The following ADAM12 variants were observed in gnomAD, a reference collection of about 807,000 sequenced individuals.
ADAM12 encodes the protein disintegrin and metalloproteinase domain-containing protein 12.
Under a neutral mutation model 106.4 loss-of-function variants are expected in ADAM12, and 70 were observed. The observed-to-expected ratio is 0.66, with a 90% CI of 0.54 to 0.80. ADAM12 has a LOEUF of 0.80. Ranked by LOEUF, ADAM12 falls within the 30% of genes least tolerant of loss-of-function variation. ADAM12 has a pLI of 0.00. For missense variants in ADAM12, 1,010 were observed against 1,171.9 expected (o/e 0.86, Z 2.02); for synonymous variants, 420 against 433.5 (o/e 0.97, Z 0.39).
chr10:126,195,524 A>T (rs981194582), intron 3 of ADAM12, among the ~76,000 whole-genome samples: 6 of 152,156 alleles, frequency 3.9e-5, no homozygotes, highest in Non-Finnish European at 8.8e-5. Flanking sequence ...GCAGTGAGCC[A>T]AATCGCACCA....
chr10:126,192,607 G>A (rs546645795), intron 3 of ADAM12, among the ~76,000 whole-genome samples: 57 of 152,280 alleles, frequency 3.7e-4, no homozygotes, highest in African/African-American at 1.3e-3. Flanking sequence ...TTCATCCATC[G>A]CACATACTTA....
chr10:126,114,930 T>C (rs563670804), intron 6 of ADAM12, among the ~76,000 whole-genome samples: 1 of 152,328 alleles, frequency 6.6e-6, no homozygotes, highest in South Asian at 2.1e-4. Flanking sequence ...CAACTCTCAT[T>C]AGGCTCTACA....
rs1424267162 is a variant in ADAM12 at position 126,066,142 on chromosome 10, C to G, written c.1413+575G>C. Among the ~76,000 whole-genome samples the G allele has an allele frequency of 6.6e-6, 1 of 152,198 alleles. No homozygotes were observed. Among genetic ancestry groups the G allele is most frequent in the African/African-American group, 2.4e-5 (1 of 41,438 alleles). On this transcript the variant is annotated intron_variant, in intron 13 of 22. Coordinates refer to ENST00000448723, the MANE Select transcript of ADAM12 (RefSeq NM_001288973.2). This position sits in a 1 kb window ranked among gnomAD's most constrained non-coding sequence, Gnocchi z 5.1. ...AGCTCAGGCTTCTACTCTCAGATAT[C>G]AGCTCTGAATAATGAGACAATGGAA... is the stretch of plus-strand genomic sequence containing the variant.
At chr10:126,289,596 AC>A (rs1203216432) in intron 2 of ADAM12, among the ~76,000 whole-genome samples, 4 of 152,208 alleles carry the variant, frequency 2.6e-5, no homozygotes, top group African/African-American at 9.6e-5. Flanking sequence ...GTCTTGGAAC[AC>A]CCTGATCAAT....
At chr10:126,045,229 A>G (rs933309829) in intron 17 of ADAM12, among the ~76,000 whole-genome samples, 4 of 152,196 alleles carry the variant, frequency 2.6e-5, no homozygotes, top group Admixed American at 2.0e-4. Flanking sequence ...CCATCAGAAA[A>G]TAATCTATGA....
rs182405790 is a variant in ADAM12 at position 126,299,210 on chromosome 10, C to A, written c.187-20222G>T. Among the ~76,000 whole-genome samples, 321 of 152,308 alleles carry A rather than the reference C, an allele frequency of 2.1e-3. 10 individuals are homozygous for A. The highest frequency in any genetic ancestry group is 3.2e-4 in the Non-Finnish European group (22 of 68,032). On this transcript the variant is annotated intron_variant, in intron 2 of 22. Transcript: ENST00000448723. ...ACACAGCACATATCCACTTTCAATG[C>A]CTTCATTTCCAGGAACATATTTTTT...
At chr10:126,194,369 A>C (rs1957560420) in intron 3 of ADAM12, among the ~76,000 whole-genome samples, 1 of 152,108 alleles carries the variant, frequency 6.6e-6, no homozygotes, top group African/African-American at 2.4e-5. Context: ...TTCTGAGACA[A>C]ATAAAAGGCA....
Position 126,107,987 on chromosome 10 carries a change from C to A in ADAM12, c.741+606G>T, listed in dbSNP as rs185681100. Among the ~76,000 whole-genome samples, 3 of 152,258 alleles carry A rather than the reference C, an allele frequency of 2.0e-5. No individual in the cohort carries two copies. In the East Asian group the frequency reaches 5.8e-4, roughly 29 times the overall value. On this transcript the variant is annotated intron_variant, in intron 8 of 22. Coordinates refer to ENST00000448723, the MANE Select transcript of ADAM12 (RefSeq NM_001288973.2). The stretch of plus-strand genomic sequence containing the variant: ...GTGAGGAGCGGTTAGTGAACAAGTA[C>A]CCCAGGAGTAGGACCTGGTTTGCAG...
At chr10:126,368,100 T>G (rs1464894777) in intron 1 of ADAM12, among the ~76,000 whole-genome samples, 3 of 151,904 alleles carry the variant, frequency 2.0e-5, no homozygotes, top group Non-Finnish European at 4.4e-5. Flanking sequence ...TATATAAACG[T>G]GTGCATATAA....
intron 3 of ADAM12, among the ~76,000 whole-genome samples, chr10:126,182,829 G>A (rs1203422812): frequency 6.6e-6 from 1 of 152,224 alleles, no homozygotes; most frequent in Non-Finnish European, 1.5e-5. Flanking sequence ...AACATAAGAA[G>A]AGTTAATTTT....
intron 3 of ADAM12, among the ~76,000 whole-genome samples, chr10:126,264,811 A>T (rs1565177502): frequency 6.6e-6 from 1 of 151,660 alleles, no homozygotes; most frequent in South Asian, 2.1e-4. Flanking sequence ...CGCAATCCAG[A>T]CCCCTGCTTT....
chr10:126,040,251 AACTGGACAGTGAATTTTT>A (rs1364849740), intron 18 of ADAM12, among the ~76,000 whole-genome samples: 3 of 152,218 alleles, frequency 2.0e-5, no homozygotes, highest in Non-Finnish European at 4.4e-5. Context: ...CTGTGATTTC[AACTGGACAGTGAATTTTT>A]AGAGGACAGG....
At chr10:126,267,607 T>C (rs1030835914) in intron 3 of ADAM12, among the ~76,000 whole-genome samples, 1 of 152,132 alleles carries the variant, frequency 6.6e-6, no homozygotes, top group Non-Finnish European at 1.5e-5. Flanking sequence ...GCCACTGATC[T>C]GACAGGGGGC....
rs150835923 is a variant in ADAM12, at chr10:126,296,827, TTTTG to T, written c.187-17843_187-17840del. ...CTATCGGGGATCTGCTTAGCTAGTT[TTTTG>T]TTTGTTTGTTTGAACTGCAGGCCTT... On this transcript the variant is annotated intron_variant, in intron 2 of 22. Transcript: ENST00000448723. Among the ~76,000 whole-genome samples, 264 of 152,326 alleles carry T rather than the reference TTTTG, an allele frequency of 1.7e-3. 1 individual carries two copies. Among genetic ancestry groups the T allele is most frequent in the African/African-American group, 6.1e-3 (255 of 41,568 alleles).
At chr10:126,280,255 A>C (rs7079929) in intron 2 of ADAM12, among the ~76,000 whole-genome samples, 131,524 of 152,090 alleles carry the variant, frequency 0.86, 58,106 homozygotes, top group Non-Finnish European at 0.96. Flanking sequence ...GCAAAACATG[A>C]CTTAACTAAG....
chr10:126,088,892 A>G (rs1348661587), intron 11 of ADAM12, among the ~76,000 whole-genome samples: 1 of 152,170 alleles, frequency 6.6e-6, no homozygotes, highest in African/African-American at 2.4e-5. Context: ...ATGGCAACAC[A>G]TTCTCCTTAA....
At chr10:126,343,622 T>C (rs1855021996) in intron 1 of ADAM12, among the ~76,000 whole-genome samples, 1 of 152,244 alleles carries the variant, frequency 6.6e-6, no homozygotes, top group Non-Finnish European at 1.5e-5. Flanking sequence ...TCACAATGGT[T>C]GAACTAGTTT....
Position 126,066,319 on chromosome 10 carries a change from G to A in ADAM12, c.1413+398C>T, listed in dbSNP as rs1279877983. The stretch of plus-strand genomic sequence containing the variant: ...TTCTGGGACAAGCCAGCAGGCAGAT[G>A]TCCGCGGGATCAAGAAGATGAACCT... On this transcript the variant is annotated intron_variant, in intron 13 of 22. Coordinates refer to ENST00000448723, the MANE Select transcript of ADAM12 (RefSeq NM_001288973.2). This position sits in a 1 kb window ranked among gnomAD's most constrained non-coding sequence, Gnocchi z 5.1. Among the ~76,000 whole-genome samples the A allele has an allele frequency of 6.6e-6, 1 of 152,210 alleles. No individual in the cohort carries two copies. The highest frequency in any genetic ancestry group is 1.5e-5 in the Non-Finnish European group (1 of 68,044).
chr10:126,235,705 A>G (rs2133636791), intron 3 of ADAM12, among the ~76,000 whole-genome samples: 1 of 152,344 alleles, frequency 6.6e-6, no homozygotes, highest in East Asian at 1.9e-4. Flanking sequence ...TTTCTGCTCC[A>G]GATTTCAAGG....
Sources: gnomAD v4.1 joint callset for allele counts (sites outside exome capture counted in the v4.1 genomes callset) on GRCh38, gnomAD v4.1.1 for gene constraint, Gnocchi (gnomAD v3.1) non-coding constraint, MANE v1.5 for transcripts, NCBI Gene and HGNC (gene_info 2026-07-23, HGNC 2026-07-21) for gene names.